The following LRRC4C variants were observed in gnomAD, a reference collection of about 807,000 sequenced individuals.
LRRC4C encodes leucine rich repeat containing 4C, also known as leucine-rich repeat-containing protein 4C.
In LRRC4C, 5 loss-of-function variants were observed where a neutral mutation model predicts 33.6. The ratio of observed to expected loss-of-function variants is 0.15; its 90% CI spans 0.08 to 0.31. LRRC4C has a LOEUF of 0.31. Among genes scored for constraint, LRRC4C ranks in the 10% least tolerant of loss-of-function variants. The pLI, the probability that LRRC4C is intolerant of heterozygous loss-of-function variation, is 1.00. For missense variants in LRRC4C, 560 were observed against 796.7 expected, an observed-to-expected ratio of 0.70 and a Z score of 3.58; for synonymous variants, 329 against 302.0, an observed-to-expected ratio of 1.09 and a Z score of -0.93.
At chr11:41,057,374 T>C (rs1264041718) in intron 1 of LRRC4C, among the ~76,000 whole-genome samples, 1 of 152,214 alleles carries the variant, frequency 6.6e-6, no homozygotes, top group Non-Finnish European at 1.5e-5. Context: ...AGAGCAGCTC[T>C]GCACTGGCCT....
intron 1 of LRRC4C, among the ~76,000 whole-genome samples, chr11:41,176,298 T>C (rs988155098): frequency 2.0e-5 from 3 of 152,114 alleles, no homozygotes; most frequent in African/African-American, 7.2e-5. Flanking sequence ...CAAAAAGAGC[T>C]TTTTCTAAGT....
rs59028153 is a variant in LRRC4C at position 40,193,430 on chromosome 11, T to C, written c.-96+48089A>G. 1.0e-3 allele frequency among the ~76,000 whole-genome samples: 153 copies of C among 152,152 alleles called. 5 individuals carry two copies. In the East Asian group the frequency reaches 0.021, roughly 21 times the overall value. On this transcript the variant is annotated intron_variant, in intron 5 of 6. Coordinates refer to ENST00000528697, the MANE Select transcript of LRRC4C (RefSeq NM_001258419.2). ...TCAACATCAACAAAAAGGATGACCA[T>C]GCAAAAACCCTATTCGAAGCTTACC...
intron 3 of LRRC4C, among the ~76,000 whole-genome samples, chr11:40,325,559 T>C (rs1343296640): frequency 1.3e-5 from 2 of 151,216 alleles, no homozygotes; most frequent in Non-Finnish European, 2.9e-5. Context: ...GCCCAGAAGA[T>C]AGAGGCTGCA....
intron 2 of LRRC4C, among the ~76,000 whole-genome samples, chr11:40,914,113 G>C (rs1956828404): frequency 1.3e-5 from 2 of 152,250 alleles, no homozygotes; most frequent in African/African-American, 4.8e-5. Context: ...AATTCTACCA[G>C]AAGTACAAGG....
chr11:41,169,913 T>C (rs778005721), intron 1 of LRRC4C, among the ~76,000 whole-genome samples: 31 of 152,300 alleles, frequency 2.0e-4, no homozygotes, highest in Non-Finnish European at 4.1e-4. Context: ...TAAAAATTCC[T>C]TTACATGGCT....
intron 1 of LRRC4C, among the ~76,000 whole-genome samples, chr11:41,261,248 G>A (rs1333402938): frequency 3.3e-5 from 5 of 152,112 alleles, no homozygotes; most frequent in Admixed American, 3.3e-4. Flanking sequence ...CTTTGAAGCA[G>A]AGAGTAAGCT....
intron 1 of LRRC4C, among the ~76,000 whole-genome samples, chr11:41,204,693 T>C (rs1232205148): frequency 6.6e-6 from 1 of 152,228 alleles, no homozygotes; most frequent in Non-Finnish European, 1.5e-5. Flanking sequence ...GAGCTCCTTA[T>C]ATGTTATCAT....
chr11:40,981,763 T>C (rs1345844170), intron 1 of LRRC4C, among the ~76,000 whole-genome samples: 1 of 152,148 alleles, frequency 6.6e-6, no homozygotes, highest in Non-Finnish European at 1.5e-5. Flanking sequence ...ATAAGTAATA[T>C]GAAAACAAAA....
At chr11:40,238,738 AT>A (rs1865737333) in intron 5 of LRRC4C, among the ~76,000 whole-genome samples, 1 of 152,164 alleles carries the variant, frequency 6.6e-6, no homozygotes, top group Non-Finnish European at 1.5e-5. Flanking sequence ...ATAGAAATAG[AT>A]TTTAAAGAGG....
chr11:41,374,569 C>T (rs955126400), intron 1 of LRRC4C, among the ~76,000 whole-genome samples: 22 of 151,904 alleles, frequency 1.4e-4, no homozygotes, highest in African/African-American at 2.7e-4. Context: ...ACAAAAAAGA[C>T]GGACTATTTT....
At chr11:41,418,936 G>A (rs1261677779) in intron 1 of LRRC4C, among the ~76,000 whole-genome samples, 1 of 151,666 alleles carries the variant, frequency 6.6e-6, no homozygotes. Flanking sequence ...GAGGAAAGCT[G>A]GTATGTGTTC....
At chr11:40,629,388 G>T (rs962183405) in intron 3 of LRRC4C, among the ~76,000 whole-genome samples, 1 of 151,996 alleles carries the variant, frequency 6.6e-6, no homozygotes, top group South Asian at 2.1e-4. Context: ...TAGCATAATT[G>T]TCCAAACTGG....
At chr11:41,308,544 C>T (rs898738753) in intron 1 of LRRC4C, among the ~76,000 whole-genome samples, 2 of 152,094 alleles carry the variant, frequency 1.3e-5, no homozygotes. Flanking sequence ...AAAGCACATT[C>T]TAAAGAAAGC....
rs554360740 is a variant in LRRC4C at position 41,249,036 on chromosome 11, C to CTT, written c.-496+210393_-496+210394dup. Among the ~76,000 whole-genome samples, 234 of 149,052 alleles carry CTT rather than the reference C, an allele frequency of 1.6e-3. 2 individuals are homozygous for CTT. Among genetic ancestry groups the CTT allele is most frequent in the South Asian group, 5.9e-3 (28 of 4,722 alleles). On this transcript the variant is annotated intron_variant, in intron 1 of 6. Coordinates refer to ENST00000528697, the MANE Select transcript of LRRC4C (RefSeq NM_001258419.2). ...TTATCTCCCTGGTTTAAGATACTGT[C>CTT]TTCTTTTTTTTTTTTTGAGATGGAG...
At chr11:41,167,486 T>C (rs985044761) in intron 1 of LRRC4C, among the ~76,000 whole-genome samples, 25 of 152,168 alleles carry the variant, frequency 1.6e-4, no homozygotes, top group Admixed American at 3.9e-4. Flanking sequence ...TACCACCTAA[T>C]TCATACCACT....
At chr11:40,970,989 T>A (rs988444565) in intron 1 of LRRC4C, among the ~76,000 whole-genome samples, 1 of 152,200 alleles carries the variant, frequency 6.6e-6, no homozygotes, top group African/African-American at 2.4e-5. Flanking sequence ...TATACTCACA[T>A]GTGTGAGCAA....
At chr11:40,476,464 GC>G (rs1953238265) in intron 3 of LRRC4C, among the ~76,000 whole-genome samples, 1 of 148,156 alleles carries the variant, frequency 6.7e-6, no homozygotes, top group Non-Finnish European at 1.5e-5. Flanking sequence ...TCCTGCCTCA[GC>G]CTCCCAAGTA....
At chr11:41,107,374 G>T (rs1941568502) in intron 1 of LRRC4C, among the ~76,000 whole-genome samples, 1 of 151,926 alleles carries the variant, frequency 6.6e-6, no homozygotes, top group African/African-American at 2.4e-5. Context: ...GATACATGTA[G>T]ATATCGATCT....
chr11:41,364,589 G>A (rs1952469566), intron 1 of LRRC4C, among the ~76,000 whole-genome samples: 2 of 152,260 alleles, frequency 1.3e-5, no homozygotes, highest in South Asian at 2.1e-4. Context: ...ATAAGAGTAT[G>A]ATTGATCGTC....
Sources: gnomAD v4.1 joint callset for allele counts (sites outside exome capture counted in the v4.1 genomes callset) on GRCh38, gnomAD v4.1.1 for gene constraint, MANE v1.5 for transcripts, NCBI Gene and HGNC (gene_info 2026-07-23, HGNC 2026-07-21) for gene names.